ANKRD36B: variants seen among roughly 807,000 people sequenced by gnomAD.
ANKRD36B encodes ankyrin repeat domain-containing protein 36B.
A neutral mutation model predicts 135.7 loss-of-function variants in ANKRD36B; 37 were observed. The observed-to-expected ratio is 0.27, with a 90% CI of 0.21 to 0.36. The LOEUF (loss-of-function observed/expected upper bound fraction) is 0.36, where lower values mean the gene tolerates loss of function less well. ANKRD36B is among the 10% of genes least tolerant of loss of function. ANKRD36B has a pLI of 1.00. For missense variants in ANKRD36B, 549 were observed against 1,037.1 expected (o/e 0.53, Z 6.46); for synonymous variants, 179 against 348.1 (o/e 0.51, Z 5.41).
At chr2:97,567,166 G>A (rs879705406) in intron 6 of ANKRD36B, among the ~76,000 whole-genome samples, 36 of 151,346 alleles carry the variant, frequency 2.4e-4, no homozygotes, top group Middle Eastern at 3.4e-3. Context: ...TGCAAGATAC[G>A]GGGGGAAAGT....
chr2:97,550,433 A>C (rs921444782), intron 18 of ANKRD36B, among the ~76,000 whole-genome samples: 1 of 151,948 alleles, frequency 6.6e-6, no homozygotes, highest in South Asian at 2.1e-4. Flanking sequence ...GGACTTAATT[A>C]GAATGCAACA....
Position 97,551,239 on chromosome 2 carries a change from A to G in ANKRD36B, c.1375+50T>C, listed in dbSNP as rs528346940. 4.6e-6 allele frequency: 7 copies of G among 1,535,142 alleles called. No individual in the cohort carries two copies. The African/African-American group carries it at 9.6e-5, about 21-fold the overall frequency. On this transcript the variant is annotated intron_variant, in intron 18 of 43. Transcript: ENST00000359901. ...CCCCACTGATTTATTCGGGGAAGAG[A>G]ACTTCTTATCTGGACTGAACATGAC...
rs1212897031 is a variant in ANKRD36B, at chr2:97,549,801, A to C, written c.1376-187T>G. Among the ~76,000 whole-genome samples the C allele has an allele frequency of 2.0e-5, 3 of 151,970 alleles. No individual in the cohort carries two copies. The South Asian group carries it at 6.2e-4, about 31-fold the overall frequency. The stretch of plus-strand genomic sequence containing the variant: ...ACTGAGAAAAGGGAATACAGGCTCC[A>C]TGAAATATACCCTTACAATTTCAAA... On this transcript the variant is annotated intron_variant, in intron 18 of 43. Transcript: ENST00000359901.
chr2:97,575,996 T>C (rs537093262), intron 6 of ANKRD36B, among the ~76,000 whole-genome samples: 5 of 151,098 alleles, frequency 3.3e-5, no homozygotes, highest in African/African-American at 1.2e-4. Flanking sequence ...ACTGTAATTA[T>C]TGATTCATTT....
chr2:97,555,345 T>C (rs2080420289), intron 12 of ANKRD36B, 91 bp from the exon 13 acceptor site: 1 of 1,552,098 alleles, frequency 6.4e-7, no homozygotes, highest in South Asian at 1.1e-5. Context: ...AGCTGTATCT[T>C]CCTGCCTGTA....
At chr2:97,546,541 G>C (rs191478927) in intron 22 of ANKRD36B, among the ~76,000 whole-genome samples, 11 of 151,808 alleles carry the variant, frequency 7.2e-5, no homozygotes, top group Admixed American at 7.2e-4. Flanking sequence ...TAATATATTA[G>C]CCTCAATAAA....
intron 16 of ANKRD36B, among the ~76,000 whole-genome samples, chr2:97,552,755 T>C (rs1559171206): frequency 1.3e-5 from 2 of 151,872 alleles, no homozygotes; most frequent in Non-Finnish European, 2.9e-5. Context: ...CATTCTACAG[T>C]GTTTATGGGT....
At chr2:97,555,795 G>A (rs1303951023) in intron 12 of ANKRD36B, among the ~76,000 whole-genome samples, 1 of 151,934 alleles carries the variant, frequency 6.6e-6, no homozygotes, top group African/African-American at 2.4e-5. Flanking sequence ...TATGGTTGGT[G>A]AATCCTAGTA....
At chr2:97,578,650 T>C (rs1017150853) in intron 5 of ANKRD36B, among the ~76,000 whole-genome samples, 2 of 152,060 alleles carry the variant, frequency 1.3e-5, no homozygotes, top group African/African-American at 4.8e-5. Context: ...ATGGACAACA[T>C]TGGAATCCCT....
intron 43 of ANKRD36B, among the ~76,000 whole-genome samples, chr2:97,493,849 A>T (rs1048222658): frequency 2.3e-5 from 2 of 85,126 alleles, no homozygotes; most frequent in Non-Finnish European, 3.4e-5. Context: ...AAAATCTAGA[A>T]CCACTGACAA....
At chr2:97,547,990 A>C (rs1233746386) in intron 20 of ANKRD36B, among the ~76,000 whole-genome samples, 1 of 151,826 alleles carries the variant, frequency 6.6e-6, no homozygotes, top group Admixed American at 6.6e-5. Flanking sequence ...AAACCGTGTC[A>C]ATATCAACGT....
At chr2:97,541,061 T>C (rs1576888668) in intron 28 of ANKRD36B, among the ~76,000 whole-genome samples, 1 of 97,094 alleles carries the variant, frequency 1.0e-5, no homozygotes, top group Admixed American at 9.2e-5. Flanking sequence ...GAATTCCACA[T>C]ACTTTTTGTT....
At position 97,589,822 on chromosome 2, in the gene ANKRD36B, A is replaced by G. The variant is rs988613582; in HGVS notation, c.-137T>C. The G allele has an allele frequency of 5.5e-6, 7 of 1,274,646 alleles. No individual in the cohort carries two copies. In the East Asian group the frequency reaches 1.0e-4, roughly 18 times the overall value. The allele number at this position is 1,274,646 out of a possible 1,614,324, so 79.0% of individuals were successfully genotyped here. ...AACAGGCAAAGCAGTCTGTGCACGG[A>G]CCTCCGCGCAGACTCTCAGCGCCTC... On this transcript the variant is annotated 5_prime_UTR_variant, in exon 1 of 44. Transcript: ENST00000359901.
chr2:97,570,728 C>T (rs901391151), intron 6 of ANKRD36B, among the ~76,000 whole-genome samples: 56 of 152,294 alleles, frequency 3.7e-4, no homozygotes, highest in Non-Finnish European at 6.2e-4. Flanking sequence ...TTGCCACATG[C>T]CCCTTTGCCC....
chr2:97,571,012 GAAAT>G (rs1419469898), intron 6 of ANKRD36B, among the ~76,000 whole-genome samples: 6 of 152,176 alleles, frequency 3.9e-5, no homozygotes, highest in Non-Finnish European at 5.9e-5. Context: ...TAAGGGAACA[GAAAT>G]AATTATGCCA....
In ANKRD36B at chr2:97,545,113, A is replaced by AATGT. The variant is rs1397485084; in HGVS notation, c.1681+549_1681+552dup. Among the ~76,000 whole-genome samples, 2 of 95,750 alleles carry AATGT rather than the reference A, an allele frequency of 2.1e-5. 1 individual carries two copies. Among genetic ancestry groups the AATGT allele is most frequent in the Admixed American group, 1.9e-4 (2 of 10,740 alleles). 62.8% of individuals were successfully genotyped at this position (95,750 alleles called of 152,430 possible). A position where few individuals can be genotyped will look rare whatever the true frequency, so the allele number is the denominator to read the frequency against. Reference sequence around the variant, plus strand: ...AGTCTTCTTTTATGCAAATGTTCCAAATGTATTGAAGTGAGTTCACTGAGG... The same window carrying AATGT: ...AGTCTTCTTTTATGCAAATGTTCCAAATGTATGTATTGAAGTGAGTTCACTGAGG... On this transcript the variant is annotated intron_variant, in intron 24 of 43. Coordinates refer to ENST00000359901, the MANE Select transcript of ANKRD36B (RefSeq NM_001393939.1).
chr2:97,555,403 A>G, intron 12 of ANKRD36B, 149 bp from the exon 13 acceptor site: 1 of 1,244,092 alleles, frequency 8.0e-7, no homozygotes, highest in East Asian at 2.6e-5. Context: ...ACATGACAGA[A>G]ATACACTGAA....
At position 97,531,063 on chromosome 2, in the gene ANKRD36B, C is replaced by T. The variant is rs1238259369; in HGVS notation, c.2265+1248G>A. ...CTGCCATCCCATTACTGGGTATATA[C>T]CCAAAGGACTATAAATCATGCTGCT... On this transcript the variant is annotated intron_variant, in intron 35 of 43. Coordinates refer to ENST00000359901, the MANE Select transcript of ANKRD36B (RefSeq NM_001393939.1). Among the ~76,000 whole-genome samples the T allele has an allele frequency of 5.3e-5, 5 of 94,336 alleles. 2 individuals carry two copies. Among genetic ancestry groups the T allele is most frequent in the Non-Finnish European group, 1.1e-4 (4 of 35,572 alleles). 61.9% of individuals were successfully genotyped at this position (94,336 alleles called of 152,430 possible).
chr2:97,571,181 T>C (rs1437750883), intron 6 of ANKRD36B, among the ~76,000 whole-genome samples: 2 of 152,198 alleles, frequency 1.3e-5, no homozygotes, highest in Non-Finnish European at 1.5e-5. Flanking sequence ...GTTTCTTTTA[T>C]AATAATTGGG....
Sources: allele counts gnomAD v4.1 joint callset (sites outside exome capture counted in the v4.1 genomes callset), GRCh38; gene constraint gnomAD v4.1.1; transcripts MANE v1.5; gene names NCBI Gene and HGNC (gene_info 2026-07-23, HGNC 2026-07-21).